Variants in PSMD1 observed in about 807,000 individuals in gnomAD.
The protein encoded by PSMD1 is 26S proteasome non-ATPase regulatory subunit 1.
Under a neutral mutation model 119.0 loss-of-function variants are expected in PSMD1, and 18 were observed. That is an observed-to-expected ratio of 0.15 (90% CI 0.10 to 0.22). PSMD1 has a LOEUF of 0.22. PSMD1 is among the 10% of genes least tolerant of loss of function. The pLI is 1.00. For synonymous variants in PSMD1, 374 were observed against 396.6 expected, an observed-to-expected ratio of 0.94 and a Z score of 0.68; for missense variants, 702 against 1,158.5, an observed-to-expected ratio of 0.61 and a Z score of 5.72.
intron 16 of PSMD1, among the ~76,000 whole-genome samples, chr2:231,124,642 A>G (rs551198130): frequency 2.6e-5 from 4 of 152,304 alleles, no homozygotes; most frequent in Middle Eastern, 3.4e-3. Flanking sequence ...TTCATCTCTC[A>G]TGGTATGTCT....
intron 16 of PSMD1, chr2:231,124,146 A>G (rs1695656367): frequency 4.5e-6 from 1 of 224,580 alleles, no homozygotes; most frequent in South Asian, 6.6e-5. Context: ...TACAAAATAC[A>G]TAGACTGCAT....
At position 231,078,699 on chromosome 2, in the gene PSMD1, T is replaced by C. The variant is rs766549158; in HGVS notation, c.1112T>C (p.Ile371Thr). ...RNSVCHTATV[I>T]ANSFMHCGTT... ...TCTGTATGTCATACTGCAACCGTTA[T>C]AGCAAACTCTTTTATGCACTGTGGG... Residue 371 changes from isoleucine (I) to threonine (T), a missense_variant, in exon 10 of 25, where the codon ATA becomes ACA. Physicochemically the swap from Ile to Thr is moderately conservative, Grantham distance 89. Around this residue, in one of 9 missense-constraint regions of PSMD1, gnomAD observed 272 missense variants for 511.6 expected, o/e 0.53. Transcript: ENST00000308696. The C allele has an allele frequency of 7.5e-6, 12 of 1,610,694 alleles. No homozygotes were observed. Among genetic ancestry groups the C allele is most frequent in the African/African-American group, 1.3e-5 (1 of 74,660 alleles).
intron 16 of PSMD1, chr2:231,108,854 T>C (rs1559233267): frequency 1.9e-6 from 3 of 1,614,102 alleles, no homozygotes; most frequent in Admixed American, 3.3e-5. Flanking sequence ...TGAGGAAACA[T>C]AGCCTATCCA....
intron 16 of PSMD1, among the ~76,000 whole-genome samples, chr2:231,115,042 C>G (rs1695283232): frequency 6.6e-6 from 1 of 151,978 alleles, no homozygotes; most frequent in Non-Finnish European, 1.5e-5. Flanking sequence ...GCAGGTATAT[C>G]TGACTTTGAC....
chr2:231,065,069 A>G (rs563986903), intron 4 of PSMD1, among the ~76,000 whole-genome samples: 1 of 148,080 alleles, frequency 6.8e-6, no homozygotes, highest in South Asian at 2.2e-4. Flanking sequence ...ATATAGACCC[A>G]TTTAACCCGG....
chr2:231,144,602 A>G (rs1696211165), intron 17 of PSMD1, among the ~76,000 whole-genome samples: 2 of 150,294 alleles, frequency 1.3e-5, no homozygotes. Context: ...TTAGTAGAGA[A>G]GGGGTTTTAC....
chr2:231,106,063 TC>T (rs1165598283), intron 16 of PSMD1, among the ~76,000 whole-genome samples: 2 of 151,886 alleles, frequency 1.3e-5, no homozygotes, highest in African/African-American at 4.8e-5. Context: ...TATAATCTGT[TC>T]CTTTTCTTCT....
chr2:231,115,718 G>A (rs539428938), intron 16 of PSMD1, among the ~76,000 whole-genome samples: 2 of 152,240 alleles, frequency 1.3e-5, no homozygotes, highest in Admixed American at 6.5e-5. Context: ...TAGAGGTAAG[G>A]AGGGGAGGCA....
At chr2:231,116,425 C>T (rs925730074) in intron 16 of PSMD1, among the ~76,000 whole-genome samples, 6 of 152,002 alleles carry the variant, frequency 3.9e-5, no homozygotes, top group Non-Finnish European at 7.4e-5. Context: ...TCCTTACTCT[C>T]TCTGTAACAT....
At chr2:231,094,937 T>C (rs1694689173) in intron 16 of PSMD1, among the ~76,000 whole-genome samples, 1 of 152,234 alleles carries the variant, frequency 6.6e-6, no homozygotes, top group African/African-American at 2.4e-5. Flanking sequence ...GCAGCTTGTA[T>C]AGTTGACTTT....
At position 231,056,931 on chromosome 2, in the gene PSMD1, A is replaced by G. The variant is rs1326670696; in HGVS notation, c.-95A>G. 1 of 1,494,402 alleles carries G rather than the reference A, an allele frequency of 6.7e-7. No homozygotes were observed. Among genetic ancestry groups the G allele is most frequent in the Non-Finnish European group, 9.0e-7 (1 of 1,108,338 alleles). The allele number at this position is 1,494,402 out of a possible 1,614,324, so 92.6% of individuals were successfully genotyped here. A position where few individuals can be genotyped will look rare whatever the true frequency, so the allele number is the denominator to read the frequency against. On this transcript the variant is annotated 5_prime_UTR_variant, in exon 1 of 25. Coordinates refer to ENST00000308696, the MANE Select transcript of PSMD1 (RefSeq NM_002807.4). The stretch of plus-strand genomic sequence containing the variant: ...TGACTGAGCAGCGCACCCGGGGAGC[A>G]AGGAGGCGCGGTGAACTGAGCGGCC...
At position 231,148,630 on chromosome 2, in the gene PSMD1, C is replaced by G. The variant is rs749551130; in HGVS notation, c.2115+2274C>G. 1.1e-4 allele frequency among the ~76,000 whole-genome samples: 17 copies of G among 152,172 alleles called. 1 individual carries two copies. The highest frequency in any genetic ancestry group is 2.2e-4 in the Non-Finnish European group (15 of 68,034). On this transcript the variant is annotated intron_variant, in intron 18 of 24. Transcript: ENST00000308696. ...TAGATAAATGTAAGTGTATATACCA[C>G]TGACTAAAAAAGCAAAATTGACATG...
intron 16 of PSMD1, among the ~76,000 whole-genome samples, chr2:231,091,492 A>G (rs1280363768): frequency 1.3e-5 from 2 of 152,128 alleles, no homozygotes; most frequent in South Asian, 2.1e-4. Context: ...TTTTTACATC[A>G]GGTTTTGTTA....
chr2:231,145,638 A>C (rs1347478524), intron 17 of PSMD1, among the ~76,000 whole-genome samples: 1 of 152,176 alleles, frequency 6.6e-6, no homozygotes, highest in African/African-American at 2.4e-5. Flanking sequence ...TCACGCCTAT[A>C]ATCGCAGCAC....
intron 17 of PSMD1, among the ~76,000 whole-genome samples, chr2:231,139,503 T>A (rs1480613591): frequency 7.4e-6 from 1 of 134,346 alleles, no homozygotes; most frequent in Non-Finnish European, 1.5e-5. Flanking sequence ...TGCCTCAGCC[T>A]CCCACAGTGC....
intron 12 of PSMD1, 95 bp from the exon 13 acceptor site, chr2:231,082,788 C>T (rs188481364): frequency 9.1e-6 from 8 of 876,786 alleles, no homozygotes; most frequent in Non-Finnish European, 9.0e-6. Context: ...CCAACCTCTG[C>T]ATATTTAATG....
chr2:231,114,126 C>T (rs1382440161), intron 16 of PSMD1, among the ~76,000 whole-genome samples: 1 of 152,114 alleles, frequency 6.6e-6, no homozygotes, highest in East Asian at 1.9e-4. Context: ...CTTTTAAATA[C>T]ATTTTCTATT....
chr2:231,121,054 GT>G (rs1270602590), intron 16 of PSMD1, among the ~76,000 whole-genome samples: 24 of 152,142 alleles, frequency 1.6e-4, no homozygotes, highest in African/African-American at 5.6e-4. Context: ...AGGGCAACAT[GT>G]GTTTTTTTCC....
At chr2:231,059,001 C>G (rs1237637421) in intron 1 of PSMD1, among the ~76,000 whole-genome samples, 1 of 152,152 alleles carries the variant, frequency 6.6e-6, no homozygotes, top group Admixed American at 6.5e-5. Context: ...CTTGTTTTCA[C>G]AATTCTAGAA....
Sources: allele counts gnomAD v4.1 joint callset (sites outside exome capture counted in the v4.1 genomes callset), GRCh38; gene constraint gnomAD v4.1.1; regional missense constraint gnomAD v4.1.1; transcripts MANE v1.5; gene names NCBI Gene and HGNC (gene_info 2026-07-23, HGNC 2026-07-21).